Variants in AGBL1 observed in about 807,000 individuals in gnomAD.
AGBL1 encodes the protein AGBL carboxypeptidase 1.
AGBL1 carries 130 observed loss-of-function variants against 118.9 expected under a neutral mutation model. That is an observed-to-expected ratio of 1.09 (90% CI 0.95 to 1.26). The LOEUF is 1.26. Among genes scored for constraint, AGBL1 ranks in the 50% most tolerant of loss-of-function variants. AGBL1 has a pLI of 0.00. For missense variants in AGBL1, 1,584 were observed against 1,298.1 expected (o/e 1.22, Z -3.38); for synonymous variants, 555 against 478.9 (o/e 1.16, Z -2.08).
At chr15:86,645,917 C>T (rs534940332) in intron 21 of AGBL1, among the ~76,000 whole-genome samples, 3 of 152,268 alleles carry the variant, frequency 2.0e-5, no homozygotes, top group South Asian at 4.1e-4. Context: ...AAAACAAAAG[C>T]CTCAAATTCC....
At chr15:86,221,073 C>T (rs918610681) in intron 5 of AGBL1, among the ~76,000 whole-genome samples, 1 of 152,056 alleles carries the variant, frequency 6.6e-6, no homozygotes, top group Non-Finnish European at 1.5e-5. Context: ...GGTGGCATGC[C>T]TGTAATCCCA....
chr15:86,352,986 A>G (rs764578215), intron 17 of AGBL1, among the ~76,000 whole-genome samples: 3 of 152,216 alleles, frequency 2.0e-5, no homozygotes, highest in Admixed American at 1.3e-4. Flanking sequence ...TTTTGTTTCA[A>G]TGATATGAAA....
chr15:86,718,791 A>G (rs767018854), intron 22 of AGBL1, among the ~76,000 whole-genome samples: 1 of 152,226 alleles, frequency 6.6e-6, no homozygotes, highest in South Asian at 2.1e-4. Flanking sequence ...ATTGTATTTC[A>G]TAAGTCTGTT....
chr15:86,245,131 G>T (rs547851598), intron 6 of AGBL1, among the ~76,000 whole-genome samples: 17 of 152,262 alleles, frequency 1.1e-4, no homozygotes, highest in African/African-American at 4.1e-4. Flanking sequence ...GTGGGGCTTA[G>T]TCAAGCCTGA....
intron 6 of AGBL1, among the ~76,000 whole-genome samples, chr15:86,245,641 C>T (rs1332887488): frequency 4.6e-5 from 7 of 152,086 alleles, no homozygotes; most frequent in Non-Finnish European, 7.3e-5. Context: ...GTTTTAAGTC[C>T]GTAAAATACG....
intron 1 of AGBL1, among the ~76,000 whole-genome samples, chr15:86,097,535 CTT>C (rs529913129): frequency 8.8e-4 from 123 of 139,098 alleles, no homozygotes; most frequent in African/African-American, 1.5e-3. Flanking sequence ...ATGAGATCCA[CTT>C]TTTTTTTTTT....
intron 21 of AGBL1, among the ~76,000 whole-genome samples, chr15:86,650,282 A>G (rs1323823524): frequency 6.6e-6 from 1 of 152,158 alleles, no homozygotes; most frequent in Non-Finnish European, 1.5e-5. Flanking sequence ...TGGCCATGTG[A>G]CCATCTTTGG....
chr15:87,026,502 G>A (rs895565944), intron 24 of AGBL1, among the ~76,000 whole-genome samples: 7 of 152,060 alleles, frequency 4.6e-5, no homozygotes, highest in Admixed American at 2.0e-4. Flanking sequence ...AATAGTAGAC[G>A]TTGGCATGGA....
chr15:86,370,669 C>T (rs2080958993), intron 17 of AGBL1, among the ~76,000 whole-genome samples: 1 of 152,210 alleles, frequency 6.6e-6, no homozygotes, highest in African/African-American at 2.4e-5. Context: ...CTGAGCTGAT[C>T]TATACTACTT....
At chr15:86,806,174 C>T (rs1169199959) in intron 22 of AGBL1, among the ~76,000 whole-genome samples, 1 of 152,102 alleles carries the variant, frequency 6.6e-6, no homozygotes, top group Admixed American at 6.6e-5. Context: ...AGGGACAATA[C>T]ATTGTCATGC....
At chr15:86,439,885 A>G (rs946175336) in intron 18 of AGBL1, among the ~76,000 whole-genome samples, 9 of 152,198 alleles carry the variant, frequency 5.9e-5, no homozygotes, top group Non-Finnish European at 1.2e-4. Context: ...GAAAATCCTT[A>G]TGTCAGAGCA....
intron 21 of AGBL1, among the ~76,000 whole-genome samples, chr15:86,595,518 A>G (rs938799966): frequency 2.1e-4 from 32 of 152,270 alleles, no homozygotes; most frequent in African/African-American, 7.7e-4. Flanking sequence ...TTTCTAGTAA[A>G]TCAAAAATCT....
chr15:86,820,210 A>T (rs1596515233), intron 22 of AGBL1, among the ~76,000 whole-genome samples: 1 of 152,222 alleles, frequency 6.6e-6, no homozygotes, highest in South Asian at 2.1e-4. Flanking sequence ...CCTAGGTAAT[A>T]CCATTCAGGA....
chr15:86,336,251 T>G (rs2141872643), intron 17 of AGBL1, among the ~76,000 whole-genome samples: 1 of 152,306 alleles, frequency 6.6e-6, no homozygotes, highest in South Asian at 2.1e-4. Context: ...CTACATCTGC[T>G]CCAGGCTGTG....
chr15:86,630,161 T>A (rs746972041), intron 21 of AGBL1: 16 of 152,280 alleles, frequency 1.1e-4, no homozygotes, highest in Non-Finnish European at 2.1e-4. Context: ...TCTGTCCAAC[T>A]TCCTTTGTGT....
intron 22 of AGBL1, among the ~76,000 whole-genome samples, chr15:86,678,205 G>A (rs1265190487): frequency 1.3e-5 from 2 of 152,004 alleles, no homozygotes; most frequent in Admixed American, 6.6e-5. Flanking sequence ...CACCATGCTG[G>A]CAATAAATTA....
rs553355463 is a variant in AGBL1 at position 87,026,292 on chromosome 15, TCAAA to T, written c.3324-2528_3324-2525del. On this transcript the variant is annotated intron_variant, in intron 24 of 24. Coordinates refer to the AGBL1 transcript ENST00000441037. Reference sequence around the variant, plus strand: ...CTAATATCCAGAATCTACAATGAACTCAAACAAATCAACAAGAAACAAACAATCC... The same window carrying T: ...CTAATATCCAGAATCTACAATGAACTCAAATCAACAAGAAACAAACAATCC... 1.3e-3 allele frequency among the ~76,000 whole-genome samples: 196 copies of T among 151,868 alleles called. 1 individual carries two copies. The highest frequency in any genetic ancestry group is 9.6e-3 in the South Asian group (46 of 4,784).
At chr15:86,972,322 T>G (rs1352914364) in intron 23 of AGBL1, among the ~76,000 whole-genome samples, 1 of 152,008 alleles carries the variant, frequency 6.6e-6, no homozygotes, top group Non-Finnish European at 1.5e-5. Context: ...GGCCTTGCTA[T>G]TTGCCCAACA....
At chr15:86,208,890 T>A (rs2078042615) in intron 5 of AGBL1, among the ~76,000 whole-genome samples, 1 of 152,214 alleles carries the variant, frequency 6.6e-6, no homozygotes, top group African/African-American at 2.4e-5. Context: ...CTTCTCTACT[T>A]CTTTTAATTG....
Sources: gnomAD v4.1 joint callset for allele counts (sites outside exome capture counted in the v4.1 genomes callset) on GRCh38, gnomAD v4.1.1 for gene constraint, MANE v1.5 for transcripts, NCBI Gene and HGNC (gene_info 2026-07-23, HGNC 2026-07-21) for gene names.